Variants in ZZZ3 observed in about 807,000 individuals in gnomAD.
The protein encoded by ZZZ3 is ZZ-type zinc finger-containing protein 3.
A neutral mutation model predicts 95.2 loss-of-function variants in ZZZ3; 22 were observed. The observed-to-expected ratio is 0.23, with a 90% CI of 0.17 to 0.33. The LOEUF (loss-of-function observed/expected upper bound fraction) is 0.33. Ranked by LOEUF, ZZZ3 falls within the 10% of genes least tolerant of loss-of-function variation. The probability of loss-of-function intolerance (pLI) is 1.00; values close to 1 mark genes in which losing one functional copy is unlikely to be tolerated. For synonymous variants in ZZZ3, 335 were observed against 358.9 expected, an observed-to-expected ratio of 0.93 and a Z score of 0.75; for missense variants, 885 against 1,066.5, an observed-to-expected ratio of 0.83 and a Z score of 2.37.
chr1:77,676,370 G>A (rs577175352), intron 1 of ZZZ3, among the ~76,000 whole-genome samples: 87 of 152,196 alleles, frequency 5.7e-4, no homozygotes, highest in Non-Finnish European at 1.1e-3. Context: ...GTCACACTAT[G>A]TTGCCCAGAC....
chr1:77,574,511 A>C (rs746978925), intron 12 of ZZZ3, among the ~76,000 whole-genome samples: 26 of 152,200 alleles, frequency 1.7e-4, no homozygotes, highest in Non-Finnish European at 3.7e-4. Flanking sequence ...TAACAGGCCT[A>C]CAAACAATGA....
Position 77,579,585 on chromosome 1 carries a change from A to G in ZZZ3, c.2024T>C (p.Val675Ala). ...QLLIKYPPEE[V>A]ESRRWQKIAD... ...TATCTTCTGCCAGCGTCGAGATTCT[A>G]CTTCTTCAGGAGGGTATTTGATGAG... Residue 675 changes from valine (V) to alanine (A), a missense_variant, in exon 10 of 15, where the codon GTA becomes GCA. Val to Ala is a moderately conservative substitution (Grantham distance 64). Coordinates refer to ENST00000370801, the MANE Select transcript of ZZZ3 (RefSeq NM_015534.6). The G allele has an allele frequency of 2.5e-6, 4 of 1,589,210 alleles. No homozygotes were observed. The highest frequency in any genetic ancestry group is 1.1e-5 in the South Asian group (1 of 87,830).
chr1:77,612,009 G>T (rs1186800627), intron 5 of ZZZ3, among the ~76,000 whole-genome samples: 4 of 151,800 alleles, frequency 2.6e-5, no homozygotes, highest in Non-Finnish European at 5.9e-5. Flanking sequence ...CGTGGCAAAG[G>T]AAACAAACAA....
intron 10 of ZZZ3, 137 bp from the exon 11 acceptor site, chr1:77,579,006 A>T (rs1662243354): frequency 4.6e-6 from 2 of 432,912 alleles, no homozygotes; most frequent in Admixed American, 4.4e-5. Flanking sequence ...AATTAACAAT[A>T]AACTGCCACC....
intron 5 of ZZZ3, among the ~76,000 whole-genome samples, chr1:77,597,098 C>T (rs972631155): frequency 1.3e-5 from 2 of 151,858 alleles, no homozygotes; most frequent in East Asian, 1.9e-4. Context: ...ACAAAATGAG[C>T]GTCAAGTATT....
intron 5 of ZZZ3, among the ~76,000 whole-genome samples, chr1:77,592,069 T>G (rs1257372455): frequency 1.3e-5 from 2 of 151,388 alleles, no homozygotes; most frequent in African/African-American, 2.4e-5. Flanking sequence ...CCAAGGAGAG[T>G]TGCCTTGGGA....
At chr1:77,582,827 T>C (rs2100563418) in intron 6 of ZZZ3, among the ~76,000 whole-genome samples, 1 of 152,262 alleles carries the variant, frequency 6.6e-6, no homozygotes, top group Non-Finnish European at 1.5e-5. Context: ...CATTCTAGGC[T>C]GAGCGCAGTG....
chr1:77,599,286 A>G (rs1194210547), intron 5 of ZZZ3, among the ~76,000 whole-genome samples: 1 of 152,004 alleles, frequency 6.6e-6, no homozygotes, highest in Non-Finnish European at 1.5e-5. Context: ...TACTTTTACA[A>G]TTCTATTAAT....
Position 77,634,992 on chromosome 1 carries a change from A to C in ZZZ3, c.-51-1587T>G, listed in dbSNP as rs74813587. Among the ~76,000 whole-genome samples the C allele has an allele frequency of 8.5e-5, 13 of 152,298 alleles. No individual in the cohort carries two copies. In the South Asian group the frequency reaches 1.0e-3, roughly 12 times the overall value. On this transcript the variant is annotated intron_variant, in intron 4 of 14. Coordinates refer to ENST00000370801, the MANE Select transcript of ZZZ3 (RefSeq NM_015534.6). The stretch of plus-strand genomic sequence containing the variant: ...CAGTCCCTTCCTCCTGCCTTTGGTC[A>C]TCAACAGTCTCCCTTCTCATGTAAA...
chr1:77,577,524 A>ATT (rs1053378590), intron 11 of ZZZ3, among the ~76,000 whole-genome samples: 1 of 151,756 alleles, frequency 6.6e-6, no homozygotes, highest in African/African-American at 2.4e-5. Flanking sequence ...GTTAAAAAAA[A>ATT]TTTTTTTTTA....
chr1:77,570,497 C>T (rs1032002159), intron 12 of ZZZ3, among the ~76,000 whole-genome samples: 3 of 152,018 alleles, frequency 2.0e-5, no homozygotes, highest in Admixed American at 1.3e-4. Flanking sequence ...CTAGTATCCA[C>T]CCCCTCCTTT....
chr1:77,576,715 T>A (rs181570617), intron 11 of ZZZ3, among the ~76,000 whole-genome samples: 28 of 151,972 alleles, frequency 1.8e-4, no homozygotes, highest in Non-Finnish European at 3.7e-4. Flanking sequence ...CCGGGCTACA[T>A]TGGAAGAATT....
chr1:77,678,755 TTAG>T (rs1263867817), intron 1 of ZZZ3, among the ~76,000 whole-genome samples: 1 of 152,234 alleles, frequency 6.6e-6, no homozygotes, highest in Non-Finnish European at 1.5e-5. Flanking sequence ...CTAATTCCAA[TTAG>T]TAGTTTCCTA....
intron 5 of ZZZ3, among the ~76,000 whole-genome samples, chr1:77,612,412 C>A (rs997517884): frequency 9.2e-5 from 14 of 151,926 alleles, no homozygotes. Flanking sequence ...AAAAGAACTA[C>A]CATATGACAT....
At chr1:77,672,092 T>C (rs917963474) in intron 1 of ZZZ3, among the ~76,000 whole-genome samples, 2 of 152,204 alleles carry the variant, frequency 1.3e-5, no homozygotes, top group African/African-American at 4.8e-5. Context: ...ATTTCTTGAA[T>C]TTCCCATTTA....
intron 5 of ZZZ3, among the ~76,000 whole-genome samples, chr1:77,629,217 C>A (rs1349923302): frequency 6.6e-6 from 1 of 152,112 alleles, no homozygotes; most frequent in African/African-American, 2.4e-5. Context: ...TGATCAAACA[C>A]CCTCTCCCAA....
intron 5 of ZZZ3, among the ~76,000 whole-genome samples, chr1:77,587,255 AC>A (rs1570434884): frequency 9.5e-6 from 1 of 105,140 alleles, no homozygotes; most frequent in East Asian, 2.8e-4. Flanking sequence ...TCCAACTTTG[AC>A]CCTTTTTTTT....
chr1:77,639,141 G>T (rs1220196099), intron 4 of ZZZ3, among the ~76,000 whole-genome samples: 2 of 151,848 alleles, frequency 1.3e-5, no homozygotes, highest in Non-Finnish European at 2.9e-5. Flanking sequence ...ATAGACAAAA[G>T]TAAATGAACA....
At chr1:77,672,882 A>G (rs746694914) in intron 1 of ZZZ3, among the ~76,000 whole-genome samples, 1 of 152,210 alleles carries the variant, frequency 6.6e-6, no homozygotes, top group African/African-American at 2.4e-5. Context: ...CCCCTATTGC[A>G]TGATGTTTCC....
Sources: allele counts gnomAD v4.1 joint callset (sites outside exome capture counted in the v4.1 genomes callset), GRCh38; gene constraint gnomAD v4.1.1; transcripts MANE v1.5; gene names NCBI Gene and HGNC (gene_info 2026-07-23, HGNC 2026-07-21).